Variants in SLC17A3 observed in about 807,000 individuals in gnomAD.
The protein encoded by SLC17A3 is sodium-dependent phosphate transport protein 4.
Under a neutral mutation model 60.3 loss-of-function variants are expected in SLC17A3, and 61 were observed. The ratio of observed to expected loss-of-function variants is 1.01; its 90% CI spans 0.82 to 1.25. SLC17A3 has a LOEUF of 1.25. Ranked by LOEUF, SLC17A3 falls within the 50% of genes most tolerant of loss-of-function variation. The probability of loss-of-function intolerance (pLI) is 0.00; values close to 1 mark genes in which losing one functional copy is unlikely to be tolerated. For synonymous variants in SLC17A3, 192 were observed against 208.9 expected, an observed-to-expected ratio of 0.92 and a Z score of 0.70; for missense variants, 624 against 594.9, an observed-to-expected ratio of 1.05 and a Z score of -0.51.
rs757172579 is a variant in SLC17A3, at chr6:25,868,324, C to T, written c.64G>A (p.Val22Met). ...TTCCTGGGGATCAGTGTCTCATCCA[C>T]TTGCATATCTTGTGCGTTCTTGCTC... is the stretch of plus-strand genomic sequence containing the variant. ...RESKNAQDMQ[V>M]DETLIPRKVP... The change falls in exon 2 of 13, where the codon GTG becomes ATG. Residue 22 changes from valine (V) to methionine (M), a missense_variant. Transcript: ENST00000397060. 3.6e-5 allele frequency: 58 copies of T among 1,612,104 alleles called. No homozygotes were observed. The highest frequency in any genetic ancestry group is 6.7e-5 in the Admixed American group (4 of 59,794).
intron 2 of SLC17A3, among the ~76,000 whole-genome samples, chr6:25,863,253 G>A (rs1165164): frequency 0.23 from 35,432 of 151,858 alleles, 4,303 homozygotes; most frequent in African/African-American, 0.29. Context: ...TCTGGGGAAA[G>A]AATCAGATGA....
chr6:25,855,583 C>G (rs1765345272), intron 5 of SLC17A3, among the ~76,000 whole-genome samples: 1 of 152,156 alleles, frequency 6.6e-6, no homozygotes, highest in African/African-American at 2.4e-5. Context: ...GTAAAATTAA[C>G]CATTAGTAAC....
At position 25,850,529 on chromosome 6, in the gene SLC17A3, C is replaced by T; in HGVS notation, c.923G>A (p.Trp308Ter). Residue 308 changes from tryptophan (W) to a stop codon, truncating the protein, a stop_gained, in exon 8 of 13, where the codon TGG (tryptophan) becomes TAG (stop). Transcript: ENST00000397060. LOFTEE classifies it high-confidence loss of function. ...GTATACAACCATTGTGCTAACTAACCATTGATGGCTGAAACAGCCTAAACA... is the reference window on the plus strand; with the variant it reads ...GTATACAACCATTGTGCTAACTAACTATTGATGGCTGAAACAGCCTAAACA... ...SICLGCFSHQ[W>*]LVSTMVVYIP... 1 of 1,613,804 alleles carries T rather than the reference C, an allele frequency of 6.2e-7. No individual in the cohort carries two copies. The highest frequency in any genetic ancestry group is 8.5e-7 in the Non-Finnish European group (1 of 1,179,784).
At chr6:25,865,693 A>G (rs1322384296) in intron 2 of SLC17A3, among the ~76,000 whole-genome samples, 1 of 151,950 alleles carries the variant, frequency 6.6e-6, no homozygotes, top group East Asian at 1.9e-4. Context: ...ACAGCCCACT[A>G]TTTGTGTCCT....
At chr6:25,846,440 T>A (rs1250420412) in intron 11 of SLC17A3, among the ~76,000 whole-genome samples, 4 of 152,040 alleles carry the variant, frequency 2.6e-5, no homozygotes, top group Non-Finnish European at 5.9e-5. Context: ...CTCAAAAACA[T>A]GATGGATGAA....
intron 6 of SLC17A3, among the ~76,000 whole-genome samples, chr6:25,853,576 C>T (rs906976749): frequency 6.6e-6 from 1 of 151,722 alleles, no homozygotes; most frequent in Non-Finnish European, 1.5e-5. Flanking sequence ...CGCCACCACG[C>T]CTGGCTAATT....
At chr6:25,871,561 A>T (rs1765642623) in intron 1 of SLC17A3, among the ~76,000 whole-genome samples, 1 of 151,970 alleles carries the variant, frequency 6.6e-6, no homozygotes. Flanking sequence ...TGGGTGCAGC[A>T]CACCAACATG....
rs760294631 is a variant in SLC17A3 at position 25,850,508 on chromosome 6, A to G, written c.944T>C (p.Val315Ala). The G allele has an allele frequency of 1.2e-6, 2 of 1,613,912 alleles. No individual in the cohort carries two copies. Among genetic ancestry groups the G allele is most frequent in the Admixed American group, 1.7e-5 (1 of 60,020 alleles). The change falls in exon 8 of 13, where the codon GTA (valine) becomes GCA (alanine). Residue 315 changes from valine to alanine, a missense_variant. Val to Ala is a moderately conservative substitution (Grantham distance 64). Transcript: ENST00000397060. Reference sequence around the variant, plus strand: ...AGAGCTGATGTAAGTTGGTATGTATACAACCATTGTGCTAACTAACCATTG... The same window carrying G: ...AGAGCTGATGTAAGTTGGTATGTATGCAACCATTGTGCTAACTAACCATTG... ...SHQWLVSTMV[V>A]YIPTYISSVY...
intron 1 of SLC17A3, among the ~76,000 whole-genome samples, chr6:25,871,315 A>C (rs1264716450): frequency 6.6e-6 from 1 of 152,074 alleles, no homozygotes; most frequent in Non-Finnish European, 1.5e-5. Flanking sequence ...AGCCATAAAA[A>C]ATGATGAGTT....
intron 2 of SLC17A3, among the ~76,000 whole-genome samples, chr6:25,867,664 A>G (rs1451726900): frequency 6.6e-6 from 1 of 151,958 alleles, no homozygotes; most frequent in South Asian, 2.1e-4. Context: ...ATCCAGTCAC[A>G]AGAAGATTTT....
intron 5 of SLC17A3, among the ~76,000 whole-genome samples, chr6:25,858,572 G>C (rs1215017246): frequency 6.6e-6 from 1 of 152,036 alleles, no homozygotes; most frequent in Admixed American, 6.5e-5. Context: ...AGTCCTGAAT[G>C]CTGGAAGTCC....
chr6:25,862,033 A>G lies in SLC17A3; in HGVS notation c.304-4T>C, dbSNP rs777120394. 6.3e-7 allele frequency: 1 copy of G among 1,587,996 alleles called. No homozygotes were observed. Among genetic ancestry groups the G allele is most frequent in the Middle Eastern group, 1.7e-4 (1 of 6,014 alleles). Reference sequence around the variant, plus strand: ...GAGACCAGTCATACACAGGAGCCTTAGAGAAACAGAGAATGCTGTAGTAAA... The same window carrying G: ...GAGACCAGTCATACACAGGAGCCTTGGAGAAACAGAGAATGCTGTAGTAAA... On this transcript the variant is annotated splice_polypyrimidine_tract_variant and splice_region_variant and intron_variant, in intron 3 of 12. Transcript: ENST00000397060.
rs765728806 is a variant in SLC17A3 at position 25,873,282 on chromosome 6, C to G, written c.-34+885G>C. Among the ~76,000 whole-genome samples the G allele has an allele frequency of 1.0e-3, 152 of 152,056 alleles. 1 individual carries two copies. The highest frequency in any genetic ancestry group is 1.3e-3 in the Admixed American group (20 of 15,262). On this transcript the variant is annotated intron_variant, in intron 1 of 12. Transcript: ENST00000397060. The stretch of plus-strand genomic sequence containing the variant: ...GTAAATCCCTTTTGTTTTAACAGCT[C>G]TCTTTATTTTCCACTAAAAAGCTAT...
At position 25,862,126 on chromosome 6, in the gene SLC17A3, C is replaced by T. The variant is rs566130121; in HGVS notation, c.304-97G>A. The stretch of plus-strand genomic sequence containing the variant: ...AGACCTTTTGCTTGCTTTCAAATCA[C>T]TATTTTCTCCATTAAAGTTTTTAAA... On this transcript the variant is annotated intron_variant, in intron 3 of 12. Transcript: ENST00000397060. 20 of 1,394,938 alleles carry T rather than the reference C, an allele frequency of 1.4e-5. No homozygotes were observed. The South Asian group carries it at 2.1e-4, about 15-fold the overall frequency. 86.4% of individuals were successfully genotyped at this position (1,394,938 alleles called of 1,614,324 possible).
In SLC17A3 at chr6:25,850,125, A is replaced by G. The variant is rs181414939; in HGVS notation, c.1046T>C (p.Val349Ala). The change falls in exon 9 of 13, where the codon GTG (valine) becomes GCG (alanine). Residue 349 changes from valine (V) to alanine (A), a missense_variant. Physicochemically the swap from Val to Ala is moderately conservative, Grantham distance 64 (BLOSUM62 0). Coordinates refer to ENST00000397060, the MANE Select transcript of SLC17A3 (RefSeq NM_001098486.2). Reference sequence around the variant, plus strand: ...AAGGAAATCTGCCAGATAGCCTCCCACCATGCCTATGACCCAGGCAACAAT... The same window carrying G: ...AAGGAAATCTGCCAGATAGCCTCCCGCCATGCCTATGACCCAGGCAACAAT... ...PFIVAWVIGM[V>A]GGYLADFLLT... 10 of 1,613,710 alleles carry G rather than the reference A, an allele frequency of 6.2e-6. No homozygotes were observed. In the East Asian group the frequency reaches 2.0e-4, roughly 32 times the overall value.
rs1027348105 is a variant in SLC17A3, at chr6:25,845,113, T to A, written c.*188A>T. ...ATGACAACTGCATTCTTAGTTATCA[T>A]TTTATTTGAATTTTTATTCATCTTA... On this transcript the variant is annotated 3_prime_UTR_variant, in exon 13 of 13. Transcript: ENST00000397060. 4.0e-5 allele frequency: 16 copies of A among 403,428 alleles called. No individual in the cohort carries two copies. Among genetic ancestry groups the A allele is most frequent in the Non-Finnish European group, 4.6e-6 (1 of 217,896 alleles). The allele number at this position is 403,428 out of a possible 1,614,324, so 25.0% of individuals were successfully genotyped here. A position where few individuals can be genotyped will look rare whatever the true frequency, so the allele number is the denominator to read the frequency against.
At chr6:25,846,571 G>C (rs1321040277) in intron 11 of SLC17A3, among the ~76,000 whole-genome samples, 1 of 152,192 alleles carries the variant, frequency 6.6e-6, no homozygotes, top group Non-Finnish European at 1.5e-5. Context: ...GAATGGAAAG[G>C]AGCACAAAAG....
intron 6 of SLC17A3, among the ~76,000 whole-genome samples, chr6:25,853,721 T>G (rs572401102): frequency 5.5e-4 from 83 of 152,238 alleles, no homozygotes; most frequent in African/African-American, 1.9e-3. Flanking sequence ...CCCGGCCTTC[T>G]GCATGTATTT....
intron 11 of SLC17A3, among the ~76,000 whole-genome samples, chr6:25,848,713 C>A (rs1322035861): frequency 2.0e-5 from 3 of 152,024 alleles, no homozygotes; most frequent in Admixed American, 6.5e-5. Context: ...GACCAAGAAC[C>A]CAAAAGCAAA....
Sources: allele counts gnomAD v4.1 joint callset (sites outside exome capture counted in the v4.1 genomes callset), GRCh38; gene constraint gnomAD v4.1.1; transcripts MANE v1.5; gene names NCBI Gene and HGNC (gene_info 2026-07-23, HGNC 2026-07-21).